STPG2: variants seen among roughly 807,000 people sequenced by gnomAD.
STPG2 encodes sperm-tail PG-rich repeat-containing protein 2.
Under a neutral mutation model 54.2 loss-of-function variants are expected in STPG2, and 56 were observed. The observed-to-expected ratio is 1.03, with a 90% CI of 0.83 to 1.29. The LOEUF (loss-of-function observed/expected upper bound fraction) is 1.29, where lower values mean the gene tolerates loss of function less well. STPG2 is among the 50% of genes most tolerant of loss of function. The pLI is 0.00. For missense variants in STPG2, 596 were observed against 544.9 expected (o/e 1.09, Z -0.93); for synonymous variants, 200 against 181.8 (o/e 1.10, Z -0.81).
intron 5 of STPG2, among the ~76,000 whole-genome samples, chr4:98,085,791 T>C (rs1343744145): frequency 6.6e-6 from 1 of 152,082 alleles, no homozygotes; most frequent in Non-Finnish European, 1.5e-5. Context: ...AATCATAATA[T>C]GTTATTTCAT....
At chr4:97,969,118 C>T (rs1734225840) in intron 7 of STPG2, among the ~76,000 whole-genome samples, 1 of 152,182 alleles carries the variant, frequency 6.6e-6, no homozygotes, top group South Asian at 2.1e-4. Context: ...AGACATACTC[C>T]CTTCTGAGAA....
chr4:97,906,086 T>A (rs1251043108), intron 8 of STPG2, among the ~76,000 whole-genome samples: 1 of 152,098 alleles, frequency 6.6e-6, no homozygotes, highest in South Asian at 2.1e-4. Flanking sequence ...AGCTGGTTTT[T>A]TGAAAGGATC....
intron 8 of STPG2, among the ~76,000 whole-genome samples, chr4:97,862,970 A>T (rs1389724666): frequency 2.0e-5 from 3 of 152,220 alleles, no homozygotes; most frequent in Non-Finnish European, 4.4e-5. Context: ...AATTTATAGC[A>T]CTAAATGCCC....
chr4:97,852,967 CTTTTTTTTTTTTTTTTTT>C (rs574886386), intron 8 of STPG2, among the ~76,000 whole-genome samples: 1 of 69,630 alleles, frequency 1.4e-5, no homozygotes, highest in Non-Finnish European at 2.5e-5. Flanking sequence ...AACATATTTT[CTTTTTTTTTTTTTTTTTT>C]TTTTTTTTTG....
chr4:97,939,637 G>C (rs1011093362), intron 8 of STPG2, among the ~76,000 whole-genome samples: 1 of 151,904 alleles, frequency 6.6e-6, no homozygotes, highest in Non-Finnish European at 1.5e-5. Flanking sequence ...CTTTTTTTCT[G>C]TTTTCCATTT....
intron 10 of STPG2, among the ~76,000 whole-genome samples, chr4:97,675,419 G>A (rs1466015929): frequency 6.6e-6 from 1 of 152,050 alleles, no homozygotes; most frequent in East Asian, 1.9e-4. Flanking sequence ...ATTTATGAAA[G>A]CCCTGGAAAT....
chr4:97,840,862 A>G lies in STPG2; in HGVS notation c.1115T>C (p.Met372Thr). Residue 372 changes from methionine (M) to threonine (T), a missense_variant, in exon 9 of 11, where the codon ATG becomes ACG. By Grantham distance (81) the Met-to-Thr change is moderately conservative. Coordinates refer to ENST00000295268, the MANE Select transcript of STPG2 (RefSeq NM_174952.3). ...YEMSQVKHKY[M>T]PPRSLVAKRK... ...TTTAGCCACTAAACTACGAGGTGGCATATATTTATGCTTAACTTGGGACAT... is the reference window on the plus strand; with the variant it reads ...TTTAGCCACTAAACTACGAGGTGGCGTATATTTATGCTTAACTTGGGACAT... 4 of 1,612,296 alleles carry G rather than the reference A, an allele frequency of 2.5e-6. No homozygotes were observed. The South Asian group carries it at 4.4e-5, about 18-fold the overall frequency.
intron 9 of STPG2, among the ~76,000 whole-genome samples, chr4:97,784,387 C>T (rs986493774): frequency 4.0e-5 from 6 of 151,858 alleles, no homozygotes; most frequent in African/African-American, 1.5e-4. Context: ...ATTGCCTTAG[C>T]CAATTATTTA....
intron 8 of STPG2, among the ~76,000 whole-genome samples, chr4:97,942,707 G>A (rs748081345): frequency 2.0e-5 from 3 of 152,082 alleles, no homozygotes; most frequent in Non-Finnish European, 4.4e-5. Flanking sequence ...AGTTCATCAT[G>A]ATCTTGTACC....
intron 5 of STPG2, among the ~76,000 whole-genome samples, chr4:97,982,360 CTCTG>C (rs1229092201): frequency 4.9e-5 from 7 of 141,874 alleles, no homozygotes; most frequent in Admixed American, 3.0e-4. Context: ...CTTTCTCTTC[CTCTG>C]TCTCTCTTAC....
chr4:97,452,823 C>T (rs1226090246), intron 4 of STPG2, among the ~76,000 whole-genome samples: 1 of 152,164 alleles, frequency 6.6e-6, no homozygotes, highest in Non-Finnish European at 1.5e-5. Flanking sequence ...AGGGTCTTCT[C>T]TCTGCTAGGA....
chr4:97,807,241 T>C (rs140923979), intron 9 of STPG2, among the ~76,000 whole-genome samples: 2,746 of 151,652 alleles, frequency 0.018, 30 homozygotes, highest in Non-Finnish European at 0.027. Context: ...TCCTTTAATA[T>C]GTTTATTTAC....
At chr4:97,920,231 A>C (rs1732045253) in intron 8 of STPG2, among the ~76,000 whole-genome samples, 1 of 152,216 alleles carries the variant, frequency 6.6e-6, no homozygotes, top group African/African-American at 2.4e-5. Context: ...AAGTCCAGCA[A>C]CCAAGGAATA....
chr4:97,765,996 G>T (rs1206207122), intron 9 of STPG2, among the ~76,000 whole-genome samples: 1 of 152,078 alleles, frequency 6.6e-6, no homozygotes, highest in South Asian at 2.1e-4. Flanking sequence ...AACTTGCAGA[G>T]GTGGTCAAAG....
intron 8 of STPG2, among the ~76,000 whole-genome samples, chr4:97,942,554 C>A (rs1355463111): frequency 6.6e-6 from 1 of 152,024 alleles, no homozygotes; most frequent in African/African-American, 2.4e-5. Context: ...ATTTTGACTA[C>A]ATCTCAGATT....
chr4:97,518,193 A>G (rs937450808), intron 4 of STPG2, among the ~76,000 whole-genome samples: 1 of 152,054 alleles, frequency 6.6e-6, no homozygotes, highest in Non-Finnish European at 1.5e-5. Flanking sequence ...AATTATCAAG[A>G]CCCTTCTATG....
chr4:97,685,748 C>T (rs1723167969), intron 10 of STPG2, among the ~76,000 whole-genome samples: 3 of 152,074 alleles, frequency 2.0e-5, no homozygotes, highest in South Asian at 2.1e-4. Context: ...ACAAAACTAT[C>T]ACACTACTGC....
intron 10 of STPG2, among the ~76,000 whole-genome samples, chr4:97,615,145 T>C (rs1037901659): frequency 6.6e-6 from 1 of 152,166 alleles, no homozygotes; most frequent in Admixed American, 6.6e-5. Flanking sequence ...GTGATGTTTG[T>C]TCTTGCTTCA....
At chr4:97,955,316 G>A (rs1392697682) in intron 7 of STPG2, among the ~76,000 whole-genome samples, 7 of 150,858 alleles carry the variant, frequency 4.6e-5, no homozygotes, top group South Asian at 2.1e-4. Flanking sequence ...ATGGGTTCAC[G>A]CCATTCTCCT....
Sources: gnomAD v4.1 joint callset for allele counts (sites outside exome capture counted in the v4.1 genomes callset) on GRCh38, gnomAD v4.1.1 for gene constraint, MANE v1.5 for transcripts, NCBI Gene and HGNC (gene_info 2026-07-23, HGNC 2026-07-21) for gene names.